The following BCL2L14 variants were observed in gnomAD, a reference collection of about 807,000 sequenced individuals.
BCL2L14 encodes the protein BCL2 like 14.
Under a neutral mutation model 35.3 loss-of-function variants are expected in BCL2L14, and 27 were observed. The observed-to-expected ratio is 0.76, with a 90% CI of 0.56 to 1.05. The LOEUF is 1.05. Among genes scored for constraint, BCL2L14 ranks in the 50% least tolerant of loss-of-function variants. The pLI is 0.00. For synonymous variants in BCL2L14, 139 were observed against 145.9 expected (o/e 0.95, Z 0.34); for missense variants, 377 against 382.6 (o/e 0.99, Z 0.12).
chr12:12,098,760 A>G (rs1172540641), intron 5 of BCL2L14, among the ~76,000 whole-genome samples, 190 bp from the exon 6 acceptor site: 1 of 152,182 alleles, frequency 6.6e-6, no homozygotes, highest in Non-Finnish European at 1.5e-5. Context: ...TGTGTAACGT[A>G]AGACCTTAGC....
At position 12,071,101 on chromosome 12, in the gene BCL2L14, C is replaced by T. The variant is rs1948663346; in HGVS notation, c.-44C>T. ...AGAAATATCCTTACTGCCACCTGAC[C>T]TGAAGCAGAAGAAATCACAGACAGC... is the stretch of plus-strand genomic sequence containing the variant. On this transcript the variant is annotated 5_prime_UTR_variant, in exon 1 of 6. Transcript: ENST00000308721. 6.6e-6 allele frequency: 1 copy of T among 152,148 alleles called. No homozygotes were observed. Among genetic ancestry groups the T allele is most frequent in the Admixed American group, 6.5e-5 (1 of 15,272 alleles). 9.4% of individuals were successfully genotyped at this position (152,148 alleles called of 1,614,324 possible).
At chr12:12,095,445 A>T in intron 5 of BCL2L14, 3 of 985,318 alleles carry the variant, frequency 3.0e-6, no homozygotes, top group Non-Finnish European at 3.6e-6. Flanking sequence ...TTAAACTTTC[A>T]TCTATTTTCA....
intron 2 of BCL2L14, among the ~76,000 whole-genome samples, chr12:12,082,108 C>T (rs1331011084): frequency 5.3e-5 from 8 of 152,146 alleles, no homozygotes; most frequent in Admixed American, 4.6e-4. Flanking sequence ...CTGAGGGAAC[C>T]TCATGGCACA....
intron 5 of BCL2L14, among the ~76,000 whole-genome samples, chr12:12,098,081 ATATT>A (rs1488903211): frequency 1.3e-5 from 2 of 152,196 alleles, no homozygotes; most frequent in Non-Finnish European, 2.9e-5. Flanking sequence ...ATGATAAAGA[ATATT>A]TATGAGCTGA....
At chr12:12,078,691 AG>A (rs1392586133) in intron 1 of BCL2L14, among the ~76,000 whole-genome samples, 1 of 152,188 alleles carries the variant, frequency 6.6e-6, no homozygotes, top group Admixed American at 6.6e-5. Context: ...GCTTTCCAAA[AG>A]CTTTCACTTG....
At chr12:12,066,857 C>A (rs189686717), upstream of BCL2L14, among the ~76,000 whole-genome samples, 4 of 151,524 alleles carry the variant, frequency 2.6e-5, no homozygotes, top group Admixed American at 2.6e-4. Context: ...ACTACAGGCG[C>A]CCACCACCAT....
At chr12:12,087,458 C>A in intron 3 of BCL2L14, 72 bp downstream of exon 3, 1 of 1,512,744 alleles carries the variant, frequency 6.6e-7, no homozygotes, top group Non-Finnish European at 9.0e-7. Flanking sequence ...TTATCCATCC[C>A]AGGGCTCGGC....
chr12:12,074,984 GT>G (rs1296661777), intron 1 of BCL2L14, among the ~76,000 whole-genome samples: 1 of 10,550 alleles, frequency 9.5e-5, no homozygotes, highest in African/African-American at 6.5e-4. Context: ...AACATACACT[GT>G]ACTGTGTTTA....
At chr12:12,056,382 G>A (rs547663092) in intron 2 of BCL2L14, among the ~76,000 whole-genome samples, 3 of 152,116 alleles carry the variant, frequency 2.0e-5, no homozygotes, top group African/African-American at 7.2e-5. Flanking sequence ...TATCCTTTTT[G>A]CTTCTTTCTC....
chr12:12,053,806 G>A (rs550659539), intron 2 of BCL2L14, among the ~76,000 whole-genome samples: 63 of 152,256 alleles, frequency 4.1e-4, no homozygotes, highest in African/African-American at 1.4e-3. Flanking sequence ...TTGAAGTGGA[G>A]CTGACAATCA....
chr12:12,097,352 G>T (rs2448029), intron 5 of BCL2L14, among the ~76,000 whole-genome samples: 4 of 152,130 alleles, frequency 2.6e-5, no homozygotes, highest in African/African-American at 9.6e-5. Flanking sequence ...ACAATGGAAT[G>T]TTATTCCACT....
intron 1 of BCL2L14, 117 bp from the exon 2 acceptor site, chr12:12,079,182 C>A: frequency 2.3e-6 from 2 of 875,452 alleles, no homozygotes; most frequent in Non-Finnish European, 3.5e-6. Flanking sequence ...TACCCTCCAG[C>A]ACAAACACAA....
chr12:12,086,093 T>A (rs1468753885), intron 2 of BCL2L14, among the ~76,000 whole-genome samples: 1 of 152,118 alleles, frequency 6.6e-6, no homozygotes, highest in Non-Finnish European at 1.5e-5. Flanking sequence ...GTGGGAGGAT[T>A]GCTTGCGCTT....
chr12:12,074,294 C>T (rs1000397858), intron 1 of BCL2L14, among the ~76,000 whole-genome samples: 7 of 152,078 alleles, frequency 4.6e-5, no homozygotes, highest in Admixed American at 6.6e-5. Context: ...CTAGAGAGCC[C>T]GGATAGCTCA....
chr12:12,056,792 C>T (rs56263544), intron 2 of BCL2L14, among the ~76,000 whole-genome samples: 31,526 of 151,886 alleles, frequency 0.21, 4,087 homozygotes, highest in Non-Finnish European at 0.29. Flanking sequence ...GCCGAGATTG[C>T]GCCACTGCAC....
At chr12:12,089,324 A>T (rs1949118262) in intron 3 of BCL2L14, among the ~76,000 whole-genome samples, 1 of 150,160 alleles carries the variant, frequency 6.7e-6, no homozygotes, top group African/African-American at 2.5e-5. Context: ...AGCCAAGATT[A>T]CGCCATTGCA....
rs1010433467 is a variant in BCL2L14, at chr12:12,077,263, C to T, written c.-7-2036C>T. ...GCCATATTAAGACAGAGCCTGAGGC[C>T]GGGCATGGTAGCTCATGGCTGTAAT... On this transcript the variant is annotated intron_variant, in intron 1 of 5. Coordinates refer to ENST00000308721, the MANE Select transcript of BCL2L14 (RefSeq NM_138723.2). 3.8e-4 allele frequency among the ~76,000 whole-genome samples: 58 copies of T among 152,186 alleles called. 1 individual carries two copies. The highest frequency in any genetic ancestry group is 3.6e-3 in the Admixed American group (55 of 15,278).
chr12:12,053,210 C>T (rs1242798580), intron 2 of BCL2L14, among the ~76,000 whole-genome samples: 1 of 152,162 alleles, frequency 6.6e-6, no homozygotes, highest in Non-Finnish European at 1.5e-5. Flanking sequence ...TTATTATTCT[C>T]ATTTTACAAA....
At chr12:12,090,265 C>T (rs536749528) in intron 3 of BCL2L14, among the ~76,000 whole-genome samples, 5 of 152,246 alleles carry the variant, frequency 3.3e-5, no homozygotes, top group Admixed American at 3.3e-4. Context: ...AAGGAAGGGG[C>T]TGTAGGAGAA....
Sources: gnomAD v4.1 joint callset for allele counts (sites outside exome capture counted in the v4.1 genomes callset) on GRCh38, gnomAD v4.1.1 for gene constraint, MANE v1.5 for transcripts, NCBI Gene and HGNC (gene_info 2026-07-23, HGNC 2026-07-21) for gene names.